Variants in CA10 observed in about 807,000 individuals in gnomAD.
CA10 encodes the protein carbonic anhydrase 10 (inactive), also known as carbonic anhydrase-related protein 10.
Under a neutral mutation model 44.2 loss-of-function variants are expected in CA10, and 14 were observed. That is an observed-to-expected ratio of 0.32 (90% CI 0.21 to 0.50). CA10 has a LOEUF of 0.50. Ranked by LOEUF, CA10 falls within the 20% of genes least tolerant of loss-of-function variation. CA10 has a pLI of 0.99. For synonymous variants in CA10, 159 were observed against 141.6 expected, an observed-to-expected ratio of 1.12 and a Z score of -0.87; for missense variants, 350 against 409.7, an observed-to-expected ratio of 0.85 and a Z score of 1.26.
intron 2 of CA10, among the ~76,000 whole-genome samples, chr17:51,985,788 T>C (rs1341458329): frequency 6.6e-6 from 1 of 151,840 alleles, no homozygotes; most frequent in Non-Finnish European, 1.5e-5. Flanking sequence ...CTTAGGAATA[T>C]ACCTAACAAA....
At chr17:52,000,641 G>A (rs1380792407) in intron 2 of CA10, among the ~76,000 whole-genome samples, 1 of 151,882 alleles carries the variant, frequency 6.6e-6, no homozygotes, top group Non-Finnish European at 1.5e-5. Context: ...GCTGGCAAGT[G>A]GTACAACAAG....
At chr17:51,721,413 C>A (rs961958833) in intron 4 of CA10, among the ~76,000 whole-genome samples, 28 of 152,064 alleles carry the variant, frequency 1.8e-4, no homozygotes, top group Non-Finnish European at 2.9e-4. Context: ...TGGCTCACTG[C>A]AACCTCTACC....
At chr17:51,675,995 C>A (rs1914616215) in intron 4 of CA10, among the ~76,000 whole-genome samples, 1 of 152,132 alleles carries the variant, frequency 6.6e-6, no homozygotes, top group Admixed American at 6.5e-5. Context: ...CTTGTAAGGT[C>A]CTAAGTATTA....
At chr17:51,651,717 T>G (rs947887860) in intron 5 of CA10, among the ~76,000 whole-genome samples, 8 of 152,210 alleles carry the variant, frequency 5.3e-5, no homozygotes, top group African/African-American at 1.9e-4. Context: ...TCAGCTGTCA[T>G]GTGCCTGTGC....
At chr17:52,050,044 T>G (rs1987018825) in intron 2 of CA10, among the ~76,000 whole-genome samples, 2 of 152,060 alleles carry the variant, frequency 1.3e-5, no homozygotes, top group African/African-American at 4.8e-5. Flanking sequence ...CACATAGGTT[T>G]GTGTAAGTGC....
intron 3 of CA10, among the ~76,000 whole-genome samples, chr17:51,831,667 AAG>A (rs1206764268): frequency 3.6e-4 from 46 of 127,370 alleles, no homozygotes; most frequent in Non-Finnish European, 5.8e-4. Flanking sequence ...AGAAAAGAAA[AAG>A]CAGCAGCAGC....
chr17:51,650,675 T>G (rs1337296095), intron 5 of CA10, among the ~76,000 whole-genome samples: 1 of 152,358 alleles, frequency 6.6e-6, no homozygotes, highest in Non-Finnish European at 1.5e-5. Flanking sequence ...CTCCTGGTGC[T>G]GATGCACCCC....
intron 2 of CA10, among the ~76,000 whole-genome samples, chr17:51,948,117 A>G (rs1424503118): frequency 6.6e-6 from 1 of 152,130 alleles, no homozygotes; most frequent in Non-Finnish European, 1.5e-5. Context: ...GTTTAGACAC[A>G]GTGAAATTTC....
At chr17:52,152,872 G>C (rs565114932) in intron 1 of CA10, among the ~76,000 whole-genome samples, 23 of 152,200 alleles carry the variant, frequency 1.5e-4, no homozygotes, top group African/African-American at 5.5e-4. Flanking sequence ...TACAGATGAG[G>C]ATTGAGATTC....
At chr17:51,925,405 A>G (rs2143981275) in intron 3 of CA10, among the ~76,000 whole-genome samples, 1 of 151,794 alleles carries the variant, frequency 6.6e-6, no homozygotes, top group South Asian at 2.1e-4. Flanking sequence ...AACCATTAGG[A>G]TGGCTATTTC....
intron 3 of CA10, among the ~76,000 whole-genome samples, chr17:51,919,776 C>T (rs752909085): frequency 6.6e-6 from 1 of 152,112 alleles, no homozygotes; most frequent in Non-Finnish European, 1.5e-5. Context: ...CTCAGCCTCC[C>T]GAGTAGCTGG....
chr17:52,009,190 T>G (rs924669194), intron 2 of CA10, among the ~76,000 whole-genome samples: 3 of 150,960 alleles, frequency 2.0e-5, no homozygotes, highest in African/African-American at 7.3e-5. Flanking sequence ...ATTTTGAAAG[T>G]TTTTTTTTAA....
At chr17:52,114,661 CACTGGTCCTACAAA>C (rs1988852805) in intron 1 of CA10, among the ~76,000 whole-genome samples, 1 of 152,180 alleles carries the variant, frequency 6.6e-6, no homozygotes, top group Non-Finnish European at 1.5e-5. Context: ...CTGGGACCAA[CACTGGTCCTACAAA>C]TGGAGCTATA....
chr17:51,921,858 A>T (rs1036982255), intron 3 of CA10, among the ~76,000 whole-genome samples: 1 of 152,184 alleles, frequency 6.6e-6, no homozygotes, highest in African/African-American at 2.4e-5. Context: ...ATATAGTTTG[A>T]GAGGAAAGTT....
chr17:51,905,925 C>G (rs1157957683), intron 3 of CA10, among the ~76,000 whole-genome samples: 1 of 152,122 alleles, frequency 6.6e-6, no homozygotes, highest in Admixed American at 6.6e-5. Flanking sequence ...TGTACCCACA[C>G]AGAAACCCTC....
chr17:51,754,627 T>C lies in CA10; in HGVS notation c.280-6809A>G, dbSNP rs191035823. On this transcript the variant is annotated intron_variant, in intron 3 of 8. Transcript: ENST00000451037. ...TTGATCTCTTGAGGCCTTCCACTGA[T>C]TGGATGAGGCCCATCAACCTTATGC... is the stretch of plus-strand genomic sequence containing the variant. 1.9e-3 allele frequency among the ~76,000 whole-genome samples: 282 copies of C among 151,694 alleles called. 1 individual carries two copies. The highest frequency in any genetic ancestry group is 6.5e-3 in the African/African-American group (269 of 41,354).
At chr17:51,632,196 C>A (rs1283606577) in intron 8 of CA10, among the ~76,000 whole-genome samples, 1 of 152,130 alleles carries the variant, frequency 6.6e-6, no homozygotes, top group Admixed American at 6.5e-5. Context: ...TACTCTCTGT[C>A]CTTTATAGAA....
intron 3 of CA10, among the ~76,000 whole-genome samples, chr17:51,791,780 A>C (rs986123715): frequency 9.8e-5 from 15 of 152,314 alleles, no homozygotes; most frequent in African/African-American, 3.6e-4. Context: ...TTTCCCACTT[A>C]CTATTCATAG....
chr17:51,881,590 T>C (rs1249448269), intron 3 of CA10, among the ~76,000 whole-genome samples: 3 of 150,842 alleles, frequency 2.0e-5, no homozygotes, highest in South Asian at 2.1e-4. Context: ...AAAGACAGCC[T>C]ATCTGATAGA....
Sources: allele counts gnomAD v4.1 joint callset (sites outside exome capture counted in the v4.1 genomes callset), GRCh38; gene constraint gnomAD v4.1.1; transcripts MANE v1.5; gene names NCBI Gene and HGNC (gene_info 2026-07-23, HGNC 2026-07-21).